Variants in CLVS1 observed in about 807,000 individuals in gnomAD.
The protein encoded by CLVS1 is clavesin 1.
A neutral mutation model predicts 33.1 loss-of-function variants in CLVS1; 10 were observed. That is an observed-to-expected ratio of 0.30 (90% CI 0.19 to 0.51). The LOEUF is 0.51. Among genes scored for constraint, CLVS1 ranks in the 20% least tolerant of loss-of-function variants. CLVS1 has a pLI of 0.97. For synonymous variants in CLVS1, 163 were observed against 166.1 expected (o/e 0.98, Z 0.14); for missense variants, 343 against 433.4 (o/e 0.79, Z 1.85).
chr8:61,233,236 AT>A (rs1417640887), intron 2 of CLVS1, among the ~76,000 whole-genome samples: 2 of 152,192 alleles, frequency 1.3e-5, no homozygotes, highest in African/African-American at 4.8e-5. Flanking sequence ...AGAGTGTGTA[AT>A]TTTGTGTTCC....
intron 2 of CLVS1, among the ~76,000 whole-genome samples, chr8:61,150,814 G>T (rs1279771004): frequency 6.6e-6 from 1 of 152,166 alleles, no homozygotes. Flanking sequence ...CGTAGACATT[G>T]CGAGTGATGA....
At chr8:61,228,184 A>G (rs1017976902) in intron 2 of CLVS1, among the ~76,000 whole-genome samples, 6 of 152,192 alleles carry the variant, frequency 3.9e-5, no homozygotes, top group East Asian at 1.9e-4. Context: ...TATTTAAAAA[A>G]TTTTTAATTG....
Position 61,406,817 on chromosome 8 carries a change from C to G in CLVS1, c.630+30038C>G, listed in dbSNP as rs373759861. The stretch of plus-strand genomic sequence containing the variant: ...AGAGATGGGGTTTCACTGTGTTGCC[C>G]AGGCTGGTCTCAAACTCCTGCGCTC... On this transcript the variant is annotated intron_variant, in intron 3 of 5. Coordinates refer to ENST00000325897, the MANE Select transcript of CLVS1 (RefSeq NM_173519.3). 1.1e-4 allele frequency among the ~76,000 whole-genome samples: 16 copies of G among 152,256 alleles called. No homozygotes were observed. In the East Asian group the frequency reaches 2.3e-3, roughly 22 times the overall value.
At chr8:60,987,998 G>A in the CLVS1 span, among the ~76,000 whole-genome samples, 1 of 152,164 alleles carries the variant, frequency 6.6e-6, no homozygotes, top group Non-Finnish European at 1.5e-5. Flanking sequence ...GAGTGAGCCA[G>A]GAATCTGAGA....
At chr8:61,118,797 T>C (rs1193095281) in intron 1 of CLVS1, among the ~76,000 whole-genome samples, 1 of 152,186 alleles carries the variant, frequency 6.6e-6, no homozygotes, top group African/African-American at 2.4e-5. Flanking sequence ...TCCAACTATG[T>C]GGTCAGTTTT....
intron 2 of CLVS1, among the ~76,000 whole-genome samples, chr8:61,250,275 A>G (rs1178105783): frequency 2.6e-5 from 4 of 152,110 alleles, no homozygotes; most frequent in Non-Finnish European, 5.9e-5. Flanking sequence ...CCATTGGTCT[A>G]TATCTCTATT....
chr8:60,969,574 A>T, the CLVS1 span, among the ~76,000 whole-genome samples: 1 of 152,142 alleles, frequency 6.6e-6, no homozygotes, highest in Non-Finnish European at 1.5e-5. Context: ...CCAGGAACTC[A>T]GTTTTTAAGG....
intron 2 of CLVS1, among the ~76,000 whole-genome samples, chr8:61,150,694 CT>C (rs1413130273): frequency 6.6e-6 from 1 of 152,178 alleles, no homozygotes; most frequent in East Asian, 1.9e-4. Context: ...TGTTCCTTGC[CT>C]AGGTAGCATC....
intron 1 of CLVS1, among the ~76,000 whole-genome samples, chr8:61,127,871 T>A (rs1437874467): frequency 2.0e-5 from 3 of 152,236 alleles, no homozygotes. Flanking sequence ...TTTTGCAGAA[T>A]TAACTCTCAT....
At chr8:61,047,330 G>A in the CLVS1 span, among the ~76,000 whole-genome samples, 1 of 152,210 alleles carries the variant, frequency 6.6e-6, no homozygotes, top group African/African-American at 2.4e-5. Flanking sequence ...AGGATGTGGA[G>A]AAATAGGAAC....
intron 1 of CLVS1, among the ~76,000 whole-genome samples, chr8:61,068,893 C>T (rs746237438): frequency 2.6e-5 from 4 of 152,154 alleles, no homozygotes; most frequent in African/African-American, 4.8e-5. Context: ...ACTAATGTTC[C>T]TTTTCTAGAT....
chr8:61,181,036 G>A (rs1807218891), intron 2 of CLVS1, among the ~76,000 whole-genome samples: 1 of 152,192 alleles, frequency 6.6e-6, no homozygotes, highest in Admixed American at 6.5e-5. Flanking sequence ...TAGGAAGAGA[G>A]GAAGTCAAAT....
chr8:61,013,677 A>G, the CLVS1 span, among the ~76,000 whole-genome samples: 1 of 152,256 alleles, frequency 6.6e-6, no homozygotes, highest in Non-Finnish European at 1.5e-5. Flanking sequence ...TGCACGTGTC[A>G]GCTCATCTTC....
intron 2 of CLVS1, among the ~76,000 whole-genome samples, chr8:61,335,493 T>G (rs1225124890): frequency 1.3e-5 from 2 of 152,266 alleles, no homozygotes; most frequent in East Asian, 3.9e-4. Context: ...TCACCGAAGA[T>G]CATCAAAACC....
chr8:61,379,294 T>C (rs888426613), intron 3 of CLVS1, among the ~76,000 whole-genome samples: 3 of 152,176 alleles, frequency 2.0e-5, no homozygotes, highest in African/African-American at 7.2e-5. Flanking sequence ...TTCAGCTGTT[T>C]GTTTATAGCA....
At chr8:60,966,394 C>T in the CLVS1 span, 1 of 456,008 alleles carries the variant, frequency 2.2e-6, no homozygotes, top group South Asian at 1.5e-5. Context: ...AGGTGCTCAG[C>T]TGTGGTCCCA....
intron 1 of CLVS1, among the ~76,000 whole-genome samples, chr8:61,108,217 C>CAA (rs577723258): frequency 1.1e-3 from 74 of 69,004 alleles, no homozygotes; most frequent in East Asian, 1.6e-3. Context: ...GACTCCGTCT[C>CAA]AAAAAAAAAA....
intron 2 of CLVS1, among the ~76,000 whole-genome samples, chr8:61,203,392 G>A (rs962200751): frequency 2.6e-4 from 39 of 152,238 alleles, no homozygotes; most frequent in Non-Finnish European, 1.8e-4. Context: ...CAAAATGCCT[G>A]TTTAGTTTTT....
At chr8:61,348,844 A>G (rs1351156958) in intron 2 of CLVS1, among the ~76,000 whole-genome samples, 3 of 152,164 alleles carry the variant, frequency 2.0e-5, no homozygotes, top group Admixed American at 6.6e-5. Context: ...CACCAACAGT[A>G]TACAAGTGTT....
Sources: allele counts gnomAD v4.1 joint callset (sites outside exome capture counted in the v4.1 genomes callset), GRCh38; gene constraint gnomAD v4.1.1; transcripts MANE v1.5; gene names NCBI Gene and HGNC (gene_info 2026-07-23, HGNC 2026-07-21).